FAM89A: variants seen among roughly 807,000 people sequenced by gnomAD.
FAM89A encodes protein FAM89A.
FAM89A carries 10 observed loss-of-function variants against 7.1 expected under a neutral mutation model. The observed-to-expected ratio is 1.40, with a 90% confidence interval of 0.86 to 2.38. The LOEUF is 2.38. FAM89A is among the 30% of genes most tolerant of loss of function. The pLI is 0.00. For missense variants in FAM89A, 276 were observed against 262.8 expected (o/e 1.05, Z -0.35); for synonymous variants, 157 against 129.3 (o/e 1.21, Z -1.45).
intron 1 of FAM89A, among the ~76,000 whole-genome samples, chr1:231,021,459 A>G (rs1679876692): frequency 6.6e-6 from 1 of 152,230 alleles, no homozygotes; most frequent in Admixed American, 6.5e-5. Context: ...CCAGGACTTT[A>G]AAATACTGGA....
chr1:231,039,783 C>G, intron 1 of FAM89A, 138 bp downstream of exon 1: 1 of 862,656 alleles, frequency 1.2e-6, no homozygotes, highest in Non-Finnish European at 1.5e-6. Flanking sequence ...GTTGGGAGGA[C>G]GGCGCCGGCG....
intron 1 of FAM89A, among the ~76,000 whole-genome samples, chr1:231,035,809 T>C (rs1176266033): frequency 1.3e-5 from 2 of 152,250 alleles, no homozygotes; most frequent in East Asian, 3.9e-4. Context: ...AGATGTCTAC[T>C]ACTTTACCCC....
chr1:231,035,790 G>C (rs561264065), intron 1 of FAM89A, among the ~76,000 whole-genome samples: 2 of 152,204 alleles, frequency 1.3e-5, no homozygotes, highest in Non-Finnish European at 2.9e-5. Flanking sequence ...ATAGAACGGG[G>C]TCTGCAGTAG....
chr1:231,027,320 G>A (rs576655954), intron 1 of FAM89A, among the ~76,000 whole-genome samples: 10 of 152,148 alleles, frequency 6.6e-5, no homozygotes, highest in African/African-American at 1.4e-4. Context: ...CTGCCTTGTC[G>A]TCAGGTGGAA....
chr1:231,025,187 G>T (rs969055296), intron 1 of FAM89A, among the ~76,000 whole-genome samples: 1 of 152,146 alleles, frequency 6.6e-6, no homozygotes, highest in East Asian at 1.9e-4. Flanking sequence ...CTCCCAGAGT[G>T]CTGGGATTAC....
intron 1 of FAM89A, among the ~76,000 whole-genome samples, chr1:231,024,748 C>G (rs903739795): frequency 6.6e-6 from 1 of 151,910 alleles, no homozygotes; most frequent in Non-Finnish European, 1.5e-5. Context: ...TGCCATCTTG[C>G]CCAGGCTGGT....
At chr1:231,024,520 G>GCACACACA (rs3220109) in intron 1 of FAM89A, among the ~76,000 whole-genome samples, 2,216 of 144,450 alleles carry the variant, frequency 0.015, 36 homozygotes, top group African/African-American at 0.034. Context: ...TACATTGCAT[G>GCACACACA]CACACACACA....
chr1:231,026,651 C>T (rs769480496), intron 1 of FAM89A: 2 of 152,214 alleles, frequency 1.3e-5, no homozygotes, highest in Non-Finnish European at 2.9e-5. Flanking sequence ...AGCTAAATAT[C>T]TCAGGCCCTT....
chr1:231,020,200 G>A (rs966300820), intron 1 of FAM89A, 74 bp from the exon 2 acceptor site: 67 of 1,431,382 alleles, frequency 4.7e-5, no homozygotes, highest in Middle Eastern at 1.8e-4. Context: ...ACACTCAGCC[G>A]GCGATCTGCG....
chr1:231,038,477 A>G (rs528409433), intron 1 of FAM89A, among the ~76,000 whole-genome samples: 44 of 152,284 alleles, frequency 2.9e-4, no homozygotes, highest in Admixed American at 1.2e-3. Flanking sequence ...TTCCTACTTC[A>G]CCCCCGTGGT....
intron 1 of FAM89A, among the ~76,000 whole-genome samples, chr1:231,020,533 C>T (rs1376041952): frequency 2.0e-5 from 3 of 152,184 alleles, no homozygotes; most frequent in African/African-American, 7.2e-5. Flanking sequence ...CCTGCTACTG[C>T]GTTAGGATCT....
At chr1:231,039,478 G>A (rs973010544) in intron 1 of FAM89A, among the ~76,000 whole-genome samples, 1 of 152,210 alleles carries the variant, frequency 6.6e-6, no homozygotes, top group Non-Finnish European at 1.5e-5. Flanking sequence ...CTACACTGGC[G>A]GCGGACAAAA....
intron 1 of FAM89A, 115 bp downstream of exon 1, chr1:231,039,806 G>A (rs1373854582): frequency 1.6e-5 from 17 of 1,063,484 alleles, no homozygotes; most frequent in Non-Finnish European, 1.7e-5. Flanking sequence ...TGGGGCGGAG[G>A]AGCCCGAAAG....
At chr1:231,027,319 C>T (rs1260211585) in intron 1 of FAM89A, among the ~76,000 whole-genome samples, 7 of 152,168 alleles carry the variant, frequency 4.6e-5, no homozygotes, top group African/African-American at 7.2e-5. Context: ...GCTGCCTTGT[C>T]GTCAGGTGGA....
At chr1:231,035,654 G>C (rs902739184) in intron 1 of FAM89A, among the ~76,000 whole-genome samples, 8 of 152,186 alleles carry the variant, frequency 5.3e-5, no homozygotes, top group Non-Finnish European at 1.0e-4. Flanking sequence ...CCCAGTCAGG[G>C]ACATCCTTCA....
Position 231,020,234 on chromosome 1 carries a change from C to T in FAM89A, c.292-108G>A, listed in dbSNP as rs531144033. On this transcript the variant is annotated intron_variant, in intron 1 of 1. Transcript: ENST00000366654. ...CGCCTGCCAGCACATTCCTTCCACA[C>T]GGCGCATGATTCAGAGCATCACTCG... 1.1e-4 allele frequency: 125 copies of T among 1,161,720 alleles called. 1 individual carries two copies. In the South Asian group the frequency reaches 1.2e-3, roughly 11 times the overall value. 72.0% of individuals were successfully genotyped at this position (1,161,720 alleles called of 1,614,324 possible).
At chr1:231,024,015 G>A (rs563296838) in intron 1 of FAM89A, among the ~76,000 whole-genome samples, 2 of 152,314 alleles carry the variant, frequency 1.3e-5, no homozygotes, top group East Asian at 1.9e-4. Context: ...ATTTAAAAAT[G>A]TGTTTTGTTT....
chr1:231,040,183 G>A lies in FAM89A; in HGVS notation c.29C>T (p.Ala10Val), dbSNP rs1236438784. 8 of 1,127,022 alleles carry A rather than the reference G, an allele frequency of 7.1e-6. No individual in the cohort carries two copies. The highest frequency in any genetic ancestry group is 5.0e-5 in the African/African-American group (3 of 60,186). 69.8% of individuals were successfully genotyped at this position (1,127,022 alleles called of 1,614,324 possible). A position where few individuals can be genotyped will look rare whatever the true frequency, so the allele number is the denominator to read the frequency against. Residue 10 changes from alanine to valine, a missense_variant, in exon 1 of 2, where the codon GCC becomes GTC. Physicochemically the swap from Ala to Val is moderately conservative, Grantham distance 64. Transcript: ENST00000366654. ...CCCCCGGACCGCGCCGTTGCCCGCGGCCCCGGGCGCCGCCCGGGCCCCACT... is the reference window on the plus strand; with the variant it reads ...CCCCCGGACCGCGCCGTTGCCCGCGACCCCGGGCGCCGCCCGGGCCCCACT... MSGARAAPG[A>V]AGNGAVRGLR... is the part of the protein sequence containing the mutation.
At chr1:231,026,307 TAGTC>T (rs1465474517) in intron 1 of FAM89A, 1 of 152,574 alleles carries the variant, frequency 6.6e-6, no homozygotes, top group African/African-American at 2.4e-5. Context: ...ACAGCCAGCA[TAGTC>T]AGGCAGGGTG....
Sources: allele counts gnomAD v4.1 joint callset (sites outside exome capture counted in the v4.1 genomes callset), GRCh38; gene constraint gnomAD v4.1.1; transcripts MANE v1.5; gene names NCBI Gene and HGNC (gene_info 2026-07-23, HGNC 2026-07-21).